The following L3MBTL1 variants were observed in gnomAD, a reference collection of about 807,000 sequenced individuals.
L3MBTL1 encodes the protein lethal(3)malignant brain tumor-like protein 1.
In L3MBTL1, 75 loss-of-function variants were observed where a neutral mutation model predicts 105.3. The ratio of observed to expected loss-of-function variants is 0.71; its 90% CI spans 0.59 to 0.86. The LOEUF (loss-of-function observed/expected upper bound fraction) is 0.86. L3MBTL1 is among the 40% of genes least tolerant of loss of function. The pLI is 0.00. For missense variants in L3MBTL1, 1,069 were observed against 1,126.4 expected (o/e 0.95, Z 0.73); for synonymous variants, 452 against 436.2 (o/e 1.04, Z -0.45).
intron 9 of L3MBTL1, 124 bp from the exon 10 acceptor site, chr20:43,530,160 G>C: frequency 8.7e-7 from 1 of 1,145,380 alleles, no homozygotes; most frequent in South Asian, 1.3e-5. Flanking sequence ...AAAGAAAGGT[G>C]GGGTTGGGGA....
chr20:43,519,735 G>T (rs2018608467), intron 7 of L3MBTL1, among the ~76,000 whole-genome samples: 1 of 152,152 alleles, frequency 6.6e-6, no homozygotes, highest in Non-Finnish European at 1.5e-5. Context: ...CAAACTCCTG[G>T]GCTCAAGGGA....
chr20:43,540,882 T>G, intron 21 of L3MBTL1, 52 bp from the exon 22 acceptor site: 1 of 1,612,160 alleles, frequency 6.2e-7, no homozygotes, highest in Non-Finnish European at 8.5e-7. Flanking sequence ...AGGAAGCAGG[T>G]GCCCTCCCCA....
intron 6 of L3MBTL1, 97 bp from the exon 7 acceptor site, chr20:43,515,996 A>C: frequency 1.1e-6 from 1 of 897,640 alleles, no homozygotes; most frequent in Non-Finnish European, 1.8e-6. Context: ...GCAGAACACC[A>C]CATGGCCAGA....
In L3MBTL1 at chr20:43,536,214, G is replaced by A. The variant is rs1366130363; in HGVS notation, c.2043G>A (p.Glu681=). 8 of 1,612,946 alleles carry A rather than the reference G, an allele frequency of 5.0e-6. No individual in the cohort carries two copies. The South Asian group carries it at 7.7e-5, about 16-fold the overall frequency. ...AERNQSRLKA[E]LSDSEASARK... ...GGAACCAGAGCCGGCTGAAAGCGGA[G>A]CTGTCTGACTCGGAGGCCTCAGCCC... The change falls in exon 18 of 22, where the codon GAG becomes GAA. Residue 681 remains glutamate, a synonymous_variant. Coordinates refer to ENST00000418998, the MANE Select transcript of L3MBTL1 (RefSeq NM_001377303.1).
In L3MBTL1 at chr20:43,527,805, C is replaced by T. The variant is rs370303495; in HGVS notation, c.863-852C>T. ...CATGTTCTCGGCTCACTGCAGCCTC[C>T]GCCTCCTGGATTCAAGCAATTCTTC... On this transcript the variant is annotated intron_variant, in intron 7 of 21. Transcript: ENST00000418998. 7.1e-4 allele frequency among the ~76,000 whole-genome samples: 108 copies of T among 152,064 alleles called. 1 individual carries two copies. In the South Asian group the frequency reaches 0.018, roughly 26 times the overall value.
At position 43,514,009 on chromosome 20, in the gene L3MBTL1, G is replaced by A; in HGVS notation, c.308G>A (p.Arg103Gln). The A allele has an allele frequency of 1.3e-6, 2 of 1,541,702 alleles. No homozygotes were observed. The highest frequency in any genetic ancestry group is 1.2e-5 in the South Asian group (1 of 84,030). The change falls in exon 3 of 22, where the codon CGG (arginine) becomes CAG (glutamine). Residue 103 changes from arginine (R) to glutamine (Q), a missense_variant. Physicochemically the swap from Arg to Gln is conservative, Grantham distance 43 (BLOSUM62 1). Coordinates refer to ENST00000418998, the MANE Select transcript of L3MBTL1 (RefSeq NM_001377303.1). Reference protein sequence around the residue: ...GPASSSTSTVRLLEWTEAAAP... With the variant: ...GPASSSTSTVQLLEWTEAAAP... The stretch of plus-strand genomic sequence containing the variant: ...GCCAGCTCCAGCACCAGCACAGTGC[G>A]GCTTCTGGAATGGACAGAGGCCGCG...
chr20:43,525,781 A>G (rs1184622064), intron 7 of L3MBTL1, among the ~76,000 whole-genome samples: 2 of 152,152 alleles, frequency 1.3e-5, no homozygotes, highest in African/African-American at 4.8e-5. Context: ...AGCCCTCCCT[A>G]TCATCTAAGG....
rs1207309675 is a variant in L3MBTL1 at position 43,513,876 on chromosome 20, G to A, written c.175G>A (p.Asp59Asn). The change falls in exon 3 of 22, where the codon GAT (aspartate) becomes AAT (asparagine). Residue 59 changes from aspartate (D) to asparagine (N), a missense_variant. By Grantham distance (23) the Asp-to-Asn change is conservative (BLOSUM62 1). Transcript: ENST00000418998. ...ATLGLPSSAL[D>N]VSCFPREPIH... ...CCTCGGCCTGCCCAGCAGTGCCCTG[G>A]ATGTGTCTTGCTTTCCCCGGGAGCC... The A allele has an allele frequency of 5.8e-6, 9 of 1,550,644 alleles. 1 individual carries two copies. Among genetic ancestry groups the A allele is most frequent in the South Asian group, 4.8e-5 (4 of 84,070 alleles).
At chr20:43,533,521 CA>C in intron 13 of L3MBTL1, 103 bp downstream of exon 13, 1 of 958,254 alleles carries the variant, frequency 1.0e-6, no homozygotes, top group Non-Finnish European at 1.6e-6. Context: ...TCTCTAGGGT[CA>C]GGGTGAGAGA....
chr20:43,533,840 GC>G, intron 13 of L3MBTL1, among the ~76,000 whole-genome samples, 167 bp from the exon 14 acceptor site: 1 of 152,206 alleles, frequency 6.6e-6, no homozygotes, highest in East Asian at 1.9e-4. Context: ...GGTTCTACTA[GC>G]ACCCATCTGC....
intron 7 of L3MBTL1, among the ~76,000 whole-genome samples, chr20:43,519,265 A>G (rs2018580321): frequency 6.7e-6 from 1 of 148,586 alleles, no homozygotes; most frequent in Non-Finnish European, 1.5e-5. Context: ...TGAACCCAGG[A>G]GGCAGAGGTT....
downstream of L3MBTL1, among the ~76,000 whole-genome samples, chr20:43,545,380 A>T (rs995352144): frequency 3.3e-5 from 5 of 150,482 alleles, no homozygotes; most frequent in Admixed American, 1.3e-4. Flanking sequence ...AAAAAAAAAA[A>T]GGTGGGGAGC....
intron 16 of L3MBTL1, 44 bp from the exon 17 acceptor site, chr20:43,535,793 A>G (rs760164590): frequency 7.6e-7 from 1 of 1,316,918 alleles, no homozygotes; most frequent in Non-Finnish European, 1.1e-6. Flanking sequence ...CACACTCCCC[A>G]CCCCCAGGAC....
intron 18 of L3MBTL1, chr20:43,548,102 A>G: frequency 7.7e-7 from 1 of 1,299,580 alleles, no homozygotes; most frequent in Non-Finnish European, 1.0e-6. Flanking sequence ...CCCTCCCGCA[A>G]CCCCTCAGAT....
intron 7 of L3MBTL1, among the ~76,000 whole-genome samples, chr20:43,521,568 G>C (rs2018705246): frequency 6.6e-6 from 1 of 152,176 alleles, no homozygotes; most frequent in Middle Eastern, 3.2e-3. Context: ...ATCAAGAGTT[G>C]AAGAATAAGA....
chr20:43,540,740 T>G lies in L3MBTL1; in HGVS notation c.2332-13T>G. The G allele has an allele frequency of 6.2e-7, 1 of 1,614,074 alleles. No homozygotes were observed. Among genetic ancestry groups the G allele is most frequent in the Non-Finnish European group, 8.5e-7 (1 of 1,179,994 alleles). ...TCTGTCCCCTGGTCAACATGTCATC[T>G]TTGGTTTCCAAGGTCTTCGGCTTTG... On this transcript the variant is annotated splice_polypyrimidine_tract_variant and intron_variant, in intron 20 of 21. Transcript: ENST00000418998.
At chr20:43,526,144 G>A (rs147579485) in intron 7 of L3MBTL1, among the ~76,000 whole-genome samples, 1 of 152,326 alleles carries the variant, frequency 6.6e-6, no homozygotes, top group Non-Finnish European at 1.5e-5. Context: ...GCTGAGAATT[G>A]AAGCACCAAA....
exon 19 of L3MBTL1, chr20:43,550,225 C>T (rs562173187): frequency 1.1e-4 from 16 of 152,202 alleles, no homozygotes; most frequent in Non-Finnish European, 2.9e-5. Context: ...GAGATGTTCA[C>T]TGACTTTGTG....
intron 7 of L3MBTL1, among the ~76,000 whole-genome samples, chr20:43,517,553 C>A (rs984033996): frequency 6.6e-6 from 1 of 152,200 alleles, no homozygotes; most frequent in African/African-American, 2.4e-5. Flanking sequence ...TAGGCATGTG[C>A]CATTGCACTT....
Sources: allele counts gnomAD v4.1 joint callset (sites outside exome capture counted in the v4.1 genomes callset), GRCh38; gene constraint gnomAD v4.1.1; transcripts MANE v1.5; gene names NCBI Gene and HGNC (gene_info 2026-07-23, HGNC 2026-07-21).